DAD1: variants seen among roughly 807,000 people sequenced by gnomAD.
DAD1 encodes the protein defender against cell death 1, also known as dolichyl-diphosphooligosaccharide--protein glycosyltransferase subunit DAD1.
Under a neutral mutation model 9.0 loss-of-function variants are expected in DAD1, and 4 were observed. The observed-to-expected ratio is 0.44, with a 90% CI of 0.22 to 1.01. The LOEUF (loss-of-function observed/expected upper bound fraction) is 1.01, where lower values mean the gene tolerates loss of function less well. Ranked by LOEUF, DAD1 falls within the 50% of genes least tolerant of loss-of-function variation. The probability of loss-of-function intolerance (pLI) is 0.24; values close to 1 mark genes in which losing one functional copy is unlikely to be tolerated. For synonymous variants in DAD1, 60 were observed against 62.5 expected (o/e 0.96, Z 0.19); for missense variants, 119 against 137.3 (o/e 0.87, Z 0.67).
At chr14:22,588,914 CATT>C in intron 1 of DAD1, 30 bp downstream of exon 1, 1 of 1,605,086 alleles carries the variant, frequency 6.2e-7, no homozygotes, top group South Asian at 1.1e-5. Flanking sequence ...CAAAGTAACA[CATT>C]ATTATTATGA....
At chr14:22,579,338 TCATTAACTAAGAAAAAGCAA>T (rs2037099765) in intron 1 of DAD1, among the ~76,000 whole-genome samples, 1 of 152,224 alleles carries the variant, frequency 6.6e-6, no homozygotes, top group African/African-American at 2.4e-5. Flanking sequence ...CATCATCCCA[TCATTAACTAAGAAAAAGCAA>T]CAAACAAATC....
At chr14:22,573,893 AG>A (rs1206136914) in intron 2 of DAD1, among the ~76,000 whole-genome samples, 1 of 152,164 alleles carries the variant, frequency 6.6e-6, no homozygotes, top group East Asian at 1.9e-4. Context: ...ATGTCAGAAA[AG>A]GAAGTATAGT....
chr14:22,587,581 T>G (rs565426614), intron 1 of DAD1, among the ~76,000 whole-genome samples: 1 of 152,270 alleles, frequency 6.6e-6, no homozygotes, highest in East Asian at 1.9e-4. Flanking sequence ...TAACTAAATA[T>G]CCAATCAAAA....
intron 1 of DAD1, among the ~76,000 whole-genome samples, chr14:22,580,306 G>A (rs964564899): frequency 1.3e-5 from 2 of 152,010 alleles, no homozygotes; most frequent in East Asian, 1.9e-4. Flanking sequence ...TATGGCCCCA[G>A]CTACTCGGGA....
chr14:22,570,224 A>G lies in DAD1; in HGVS notation c.*44+4835T>C, dbSNP rs5742832. On this transcript the variant is annotated intron_variant, in intron 2 of 2. Coordinates refer to ENST00000250498, the MANE Select transcript of DAD1 (RefSeq NM_001344.4). ...CACCATTGAGAATAAAAGACGTAGA[A>G]CAAACCAAAAAAAGAAGCTCTCAAA... Among the ~76,000 whole-genome samples the G allele has an allele frequency of 4.6e-5, 7 of 152,202 alleles. No individual in the cohort carries two copies. In the East Asian group the frequency reaches 1.2e-3, roughly 25 times the overall value.
intron 2 of DAD1, among the ~76,000 whole-genome samples, chr14:22,565,339 T>C (rs1250125207): frequency 6.6e-6 from 1 of 152,156 alleles, no homozygotes; most frequent in Non-Finnish European, 1.5e-5. Context: ...AAAATTAATG[T>C]CAAAACTGAA....
At chr14:22,567,691 CATGTGGCTAGTGGT>C (rs1180736676) in intron 2 of DAD1, among the ~76,000 whole-genome samples, 2 of 152,230 alleles carry the variant, frequency 1.3e-5, no homozygotes, top group African/African-American at 4.8e-5. Context: ...TCAATAACCA[CATGTGGCTAGTGGT>C]TACCATAATG....
intron 2 of DAD1, among the ~76,000 whole-genome samples, chr14:22,567,498 G>A (rs2139234771): frequency 6.6e-6 from 1 of 152,346 alleles, no homozygotes; most frequent in Non-Finnish European, 1.5e-5. Context: ...AGGAGCTTTA[G>A]AGATCAGCTT....
Position 22,586,411 on chromosome 14 carries a change from G to T in DAD1, c.211+2536C>A, listed in dbSNP as rs571513432. The stretch of plus-strand genomic sequence containing the variant: ...AAATACAAAATTCGCCGGGCGTGGT[G>T]GCACATGCCTGTAATCCCAGCTACT... On this transcript the variant is annotated intron_variant, in intron 1 of 2. Coordinates refer to ENST00000250498, the MANE Select transcript of DAD1 (RefSeq NM_001344.4). Among the ~76,000 whole-genome samples, 3 of 152,234 alleles carry T rather than the reference G, an allele frequency of 2.0e-5. No individual in the cohort carries two copies. In the East Asian group the frequency reaches 5.8e-4, roughly 29 times the overall value.
At chr14:22,586,694 C>A (rs1178284182) in intron 1 of DAD1, among the ~76,000 whole-genome samples, 2 of 152,172 alleles carry the variant, frequency 1.3e-5, no homozygotes, top group Non-Finnish European at 2.9e-5. Context: ...AAGTTAGAAA[C>A]CCCAGCACCA....
intron 2 of DAD1, among the ~76,000 whole-genome samples, chr14:22,574,364 T>C (rs2037063150): frequency 6.6e-6 from 1 of 152,120 alleles, no homozygotes; most frequent in African/African-American, 2.4e-5. Flanking sequence ...GCGTACCATA[T>C]GTGATGAAGG....
rs773394635 is a variant in DAD1 at position 22,589,200 on chromosome 14, A to G, written c.-43T>C. 2.3e-5 allele frequency: 37 copies of G among 1,602,902 alleles called. No individual in the cohort carries two copies. The highest frequency in any genetic ancestry group is 8.8e-5 in the South Asian group (8 of 90,594). On this transcript the variant is annotated 5_prime_UTR_variant, in exon 1 of 3. Coordinates refer to ENST00000250498, the MANE Select transcript of DAD1 (RefSeq NM_001344.4). ...TCCGGTCCGCGCCCCAAACTCTTGGAGGACCCGTCGACCACACCGGATGTG... is the reference window on the plus strand; with the variant it reads ...TCCGGTCCGCGCCCCAAACTCTTGGGGGACCCGTCGACCACACCGGATGTG...
chr14:22,578,592 T>C (rs1465286570), intron 1 of DAD1, among the ~76,000 whole-genome samples: 1 of 152,180 alleles, frequency 6.6e-6, no homozygotes, highest in Non-Finnish European at 1.5e-5. Context: ...AAGTATATGC[T>C]ATATGATTCC....
chr14:22,574,023 G>A (rs1309526415), intron 2 of DAD1, among the ~76,000 whole-genome samples: 1 of 152,112 alleles, frequency 6.6e-6, no homozygotes, highest in Non-Finnish European at 1.5e-5. Flanking sequence ...GTTGGTCCTA[G>A]GATATCCTTC....
intron 2 of DAD1, among the ~76,000 whole-genome samples, chr14:22,566,900 A>G (rs1327312916): frequency 6.6e-6 from 1 of 152,222 alleles, no homozygotes; most frequent in Non-Finnish European, 1.5e-5. Context: ...TTTAAAGCAG[A>G]TCTATTTACC....
chr14:22,574,022 A>G (rs1050503179), intron 2 of DAD1, among the ~76,000 whole-genome samples: 4 of 152,196 alleles, frequency 2.6e-5, no homozygotes, highest in African/African-American at 9.7e-5. Flanking sequence ...GGTTGGTCCT[A>G]GGATATCCTT....
chr14:22,573,627 A>G lies in DAD1; in HGVS notation c.*44+1432T>C, dbSNP rs534132240. On this transcript the variant is annotated intron_variant, in intron 2 of 2. Transcript: ENST00000250498. ...CGGGAGGCTGAGGCAGGAGAATGGC[A>G]TGAACTCGGGAGGCGGAGTCTGCAG... 3.8e-4 allele frequency among the ~76,000 whole-genome samples: 56 copies of G among 148,588 alleles called. 1 individual carries two copies. The highest frequency in any genetic ancestry group is 1.5e-3 in the South Asian group (7 of 4,566).
chr14:22,587,946 G>A (rs536291063), intron 1 of DAD1, among the ~76,000 whole-genome samples: 1 of 152,286 alleles, frequency 6.6e-6, no homozygotes, highest in Admixed American at 6.5e-5. Flanking sequence ...ATGTTGGCCA[G>A]GCTGGTCTTG....
intron 2 of DAD1, among the ~76,000 whole-genome samples, chr14:22,572,983 T>A (rs1441271427): frequency 6.6e-6 from 1 of 152,220 alleles, no homozygotes; most frequent in Non-Finnish European, 1.5e-5. Context: ...TAACTAGCAA[T>A]AGCTGTTATC....
Sources: allele counts gnomAD v4.1 joint callset (sites outside exome capture counted in the v4.1 genomes callset), GRCh38; gene constraint gnomAD v4.1.1; transcripts MANE v1.5; gene names NCBI Gene and HGNC (gene_info 2026-07-23, HGNC 2026-07-21).